WDR36: variants seen among roughly 807,000 people sequenced by gnomAD.
The protein encoded by WDR36 is WD repeat-containing protein 36.
In WDR36, 63 loss-of-function variants were observed where a neutral mutation model predicts 112.7. The ratio of observed to expected loss-of-function variants is 0.56; its 90% CI spans 0.46 to 0.69. The LOEUF (loss-of-function observed/expected upper bound fraction) is 0.69. Ranked by LOEUF, WDR36 falls within the 30% of genes least tolerant of loss-of-function variation. The pLI is 0.00. For missense variants in WDR36, 1,226 were observed against 1,070.3 expected (o/e 1.15, Z -2.03); for synonymous variants, 410 against 362.2 (o/e 1.13, Z -1.50).
chr5:111,113,228 T>C (rs1200917238), intron 16 of WDR36, 75 bp downstream of exon 16: 2 of 849,952 alleles, frequency 2.4e-6, no homozygotes, highest in African/African-American at 1.7e-5. Context: ...CTTTTACCGA[T>C]AGTTAATGGG....
chr5:111,114,995 T>C (rs182506364), intron 16 of WDR36, among the ~76,000 whole-genome samples: 1 of 152,194 alleles, frequency 6.6e-6, no homozygotes, highest in Admixed American at 6.5e-5. Flanking sequence ...AACCTTTGAC[T>C]CAGCATTAGC....
chr5:111,105,216 G>A (rs1753200177), intron 9 of WDR36, 79 bp from the exon 10 acceptor site: 10 of 1,452,814 alleles, frequency 6.9e-6, no homozygotes, highest in Admixed American at 1.7e-5. Flanking sequence ...TTTTCAAATT[G>A]AATTTTATAA....
Position 111,103,936 on chromosome 5 carries a change from T to TATTGATAGGAGTTAAGAACACTTAAA in WDR36, c.730+22_730+47dup. 2 of 1,609,972 alleles carry TATTGATAGGAGTTAAGAACACTTAAA rather than the reference T, an allele frequency of 1.2e-6. No homozygotes were observed. The highest frequency in any genetic ancestry group is 1.7e-5 in the Admixed American group (1 of 59,698). On this transcript the variant is annotated intron_variant, in intron 7 of 22. Coordinates refer to ENST00000513710, the MANE Select transcript of WDR36 (RefSeq NM_139281.3). Reference sequence around the variant, plus strand: ...TCGCACAGGTAACTTTTAACATACTTATTGATAGGAGTTAAGAACACTTAA... The same window carrying TATTGATAGGAGTTAAGAACACTTAAA: ...TCGCACAGGTAACTTTTAACATACTTATTGATAGGAGTTAAGAACACTTAAAATTGATAGGAGTTAAGAACACTTAA...
chr5:111,128,540 T>C lies in WDR36; in HGVS notation c.*1657T>C, dbSNP rs1268653420. 5.6e-6 allele frequency: 1 copy of C among 178,942 alleles called. No individual in the cohort carries two copies. The highest frequency in any genetic ancestry group is 1.2e-5 in the Non-Finnish European group (1 of 83,334). 11.1% of individuals were successfully genotyped at this position (178,942 alleles called of 1,614,324 possible). ...ATGGCAAAATCCCAATATATAATTC[T>C]ATACCTAGTAAAGATTGTAAATAAC... On this transcript the variant is annotated 3_prime_UTR_variant, in exon 23 of 23. Coordinates refer to ENST00000513710, the MANE Select transcript of WDR36 (RefSeq NM_139281.3).
At chr5:111,097,677 C>G (rs1325594630) in intron 3 of WDR36, among the ~76,000 whole-genome samples, 1 of 152,190 alleles carries the variant, frequency 6.6e-6, no homozygotes, top group Non-Finnish European at 1.5e-5. Flanking sequence ...AAGGAAAGAT[C>G]TTTTCTGGTC....
chr5:111,117,151 T>C (rs1376408674), intron 16 of WDR36, among the ~76,000 whole-genome samples: 1 of 152,166 alleles, frequency 6.6e-6, no homozygotes, highest in Non-Finnish European at 1.5e-5. Flanking sequence ...CTTGTGGGCT[T>C]TCAAAACAGA....
rs1753685058 is a variant in WDR36, at chr5:111,126,739, C to T, written c.2544C>T (p.His848=). Residue 848 remains histidine, a synonymous_variant, in exon 23 of 23, where the codon CAC becomes CAT. Coordinates refer to ENST00000513710, the MANE Select transcript of WDR36 (RefSeq NM_139281.3). ...QAYLALFLKL[H]LKMLPSEPVL... ...CATCATATTTTTCTTTGCAGTTACA[C>T]CTTAAAATGCTTCCTTCAGAGCCAG... The T allele has an allele frequency of 1.9e-6, 3 of 1,613,436 alleles. No homozygotes were observed. The highest frequency in any genetic ancestry group is 1.7e-6 in the Non-Finnish European group (2 of 1,179,718).
chr5:111,122,901 G>A lies in WDR36; in HGVS notation c.2149-904G>A, dbSNP rs144008225. ...TGAAATGGTTGATCATTTGAGGTCA[G>A]GAGTTCGAGACCAGCCTGGTCAACA... On this transcript the variant is annotated intron_variant, in intron 19 of 22. Transcript: ENST00000513710. Among the ~76,000 whole-genome samples the A allele has an allele frequency of 5.4e-3, 817 of 152,292 alleles. 8 individuals are homozygous for A. Among genetic ancestry groups the A allele is most frequent in the African/African-American group, 0.018 (764 of 41,544 alleles).
intron 12 of WDR36, 103 bp downstream of exon 12, chr5:111,107,542 G>GT: frequency 1.4e-6 from 2 of 1,476,580 alleles, no homozygotes; most frequent in South Asian, 1.2e-5. Flanking sequence ...AAAAAACGTA[G>GT]TTTAACATTT....
chr5:111,110,087 G>C (rs1753295803), intron 12 of WDR36, 102 bp from the exon 13 acceptor site: 2 of 790,692 alleles, frequency 2.5e-6, no homozygotes, highest in Non-Finnish European at 4.4e-6. Flanking sequence ...TTGTTCTTTT[G>C]TTAAATAAAA....
intron 16 of WDR36, among the ~76,000 whole-genome samples, chr5:111,114,063 A>C (rs1028191697): frequency 6.6e-6 from 1 of 152,164 alleles, no homozygotes; most frequent in Non-Finnish European, 1.5e-5. Flanking sequence ...AACGTAACAA[A>C]TGTTCAGAAA....
At chr5:111,113,225 C>T (rs561804267) in intron 16 of WDR36, 72 bp downstream of exon 16, 441 of 914,338 alleles carry the variant, frequency 4.8e-4, no homozygotes, top group Non-Finnish European at 5.3e-4. Flanking sequence ...TGACTTTTAC[C>T]GATAGTTAAT....
chr5:111,110,174 T>A lies in WDR36; in HGVS notation c.1327-15T>A, dbSNP rs1753297752. On this transcript the variant is annotated splice_polypyrimidine_tract_variant and intron_variant, in intron 12 of 22. Transcript: ENST00000513710. ...TGTTAGTTATTTTGTCATTTGTGGGTTTTTTTTCTTAAAGGCAGTGGATAT... is the reference window on the plus strand; with the variant it reads ...TGTTAGTTATTTTGTCATTTGTGGGATTTTTTTCTTAAAGGCAGTGGATAT... 1.3e-6 allele frequency: 2 copies of A among 1,582,276 alleles called. No homozygotes were observed. Among genetic ancestry groups the A allele is most frequent in the South Asian group, 2.2e-5 (2 of 90,354 alleles).
At chr5:111,119,816 CAG>C (rs748944510) in intron 17 of WDR36, among the ~76,000 whole-genome samples, 17 of 152,106 alleles carry the variant, frequency 1.1e-4, no homozygotes, top group Non-Finnish European at 2.1e-4. Flanking sequence ...ATTTGTAAAA[CAG>C]AGTATGTTTT....
chr5:111,098,762 T>C lies in WDR36; in HGVS notation c.332T>C (p.Phe111Ser), dbSNP rs1264429993. The C allele has an allele frequency of 6.2e-7, 1 of 1,612,930 alleles. No individual in the cohort carries two copies. Among genetic ancestry groups the C allele is most frequent in the Non-Finnish European group, 8.5e-7 (1 of 1,179,106 alleles). ...AAGGGTCATAAGGCAGAAATCCATTTCTTGCAACCCTTTGGAGACCACATT... is the reference window on the plus strand; with the variant it reads ...AAGGGTCATAAGGCAGAAATCCATTCCTTGCAACCCTTTGGAGACCACATT... ...TFKGHKAEIH[F>S]LQPFGDHIIS... Residue 111 changes from phenylalanine to serine, a missense_variant, in exon 4 of 23, where the codon TTC (phenylalanine) becomes TCC (serine). By Grantham distance (155) the Phe-to-Ser change is radical. Coordinates refer to ENST00000513710, the MANE Select transcript of WDR36 (RefSeq NM_139281.3).
chr5:111,100,525 A>G, intron 4 of WDR36, 64 bp from the exon 5 acceptor site: 2 of 1,145,074 alleles, frequency 1.7e-6, no homozygotes, highest in Non-Finnish European at 2.5e-6. Flanking sequence ...AGTGATAAAT[A>G]TATGGTTACA....
Position 111,104,746 on chromosome 5 carries a change from G to C in WDR36, c.956G>C (p.Arg319Thr). 1 of 1,611,432 alleles carries C rather than the reference G, an allele frequency of 6.2e-7. No homozygotes were observed. Residue 319 changes from arginine to threonine, a missense_variant, in exon 9 of 23, where the codon AGA becomes ACA. Transcript: ENST00000513710. ...PTGEGRLLRF[R>T]MGHSAPLTNI... Reference sequence around the variant, plus strand: ...GGTGAAGGCCGACTTTTGAGATTCAGAATGGGTCATAGTGCTCCTCTTACC... The same window carrying C: ...GGTGAAGGCCGACTTTTGAGATTCACAATGGGTCATAGTGCTCCTCTTACC...
chr5:111,111,568 C>T, intron 15 of WDR36: 1 of 303,428 alleles, frequency 3.3e-6, no homozygotes, highest in Non-Finnish European at 6.3e-6. Context: ...ATATGTCATT[C>T]TTAACTTAAT....
chr5:111,123,616 C>A, intron 19 of WDR36, among the ~76,000 whole-genome samples, 189 bp from the exon 20 acceptor site: 1 of 152,184 alleles, frequency 6.6e-6, no homozygotes, highest in East Asian at 1.9e-4. Context: ...TAGAGATCTG[C>A]ATTGGGAAGC....
Sources: allele counts gnomAD v4.1 joint callset (sites outside exome capture counted in the v4.1 genomes callset), GRCh38; gene constraint gnomAD v4.1.1; transcripts MANE v1.5; gene names NCBI Gene and HGNC (gene_info 2026-07-23, HGNC 2026-07-21).